CNTNAP1: variants seen among roughly 807,000 people sequenced by gnomAD.
CNTNAP1 encodes contactin-associated protein 1.
A neutral mutation model predicts 161.5 loss-of-function variants in CNTNAP1; 80 were observed. The ratio of observed to expected loss-of-function variants is 0.50; its 90% CI spans 0.41 to 0.60. The LOEUF (loss-of-function observed/expected upper bound fraction) is 0.60, where lower values mean the gene tolerates loss of function less well. Ranked by LOEUF, CNTNAP1 falls within the 20% of genes least tolerant of loss-of-function variation. The pLI is 0.00. For missense variants in CNTNAP1, 1,464 were observed against 1,854.8 expected (o/e 0.79, Z 3.87); for synonymous variants, 695 against 733.1 (o/e 0.95, Z 0.84).
Position 42,687,321 on chromosome 17 carries a change from G to A in CNTNAP1, c.1044+275G>A, listed in dbSNP as rs2143654423. ...AGGGAGTGGCTTGTCCAGGGGTCGT[G>A]CAGCTGCACGGTGGCTGAGTAGGGA... On this transcript the variant is annotated intron_variant, in intron 7 of 23. Coordinates refer to ENST00000264638, the MANE Select transcript of CNTNAP1 (RefSeq NM_003632.3). This position sits in a 1 kb window ranked among gnomAD's most constrained non-coding sequence, Gnocchi z 4.7. The A allele has an allele frequency of 3.9e-6, 2 of 511,820 alleles. No individual in the cohort carries two copies. The highest frequency in any genetic ancestry group is 6.5e-5 in the East Asian group (2 of 30,974). 31.7% of individuals were successfully genotyped at this position (511,820 alleles called of 1,614,324 possible).
chr17:42,685,411 A>T lies in CNTNAP1; in HGVS notation c.706A>T (p.Met236Leu). 1 of 1,602,578 alleles carries T rather than the reference A, an allele frequency of 6.2e-7. No individual in the cohort carries two copies. The highest frequency in any genetic ancestry group is 8.5e-7 in the Non-Finnish European group (1 of 1,179,764). Residue 236 changes from methionine (M) to leucine (L), a missense_variant, in exon 5 of 24, where the codon ATG becomes TTG. Physicochemically the swap from Met to Leu is conservative, Grantham distance 15. Around this residue, in one of 3 missense-constraint regions of CNTNAP1, gnomAD observed 1,383 missense variants for 1,765.0 expected, o/e 0.78. Coordinates refer to ENST00000264638, the MANE Select transcript of CNTNAP1 (RefSeq NM_003632.3). This position sits in a 1 kb window ranked among gnomAD's most constrained non-coding sequence, Gnocchi z 5.0. Reference sequence around the variant, plus strand: ...GGAGGGGGCACACCTGCTGCTGCACATGAGCCTGGGTGAGCTCGGCGACCA... The same window carrying T: ...GGAGGGGGCACACCTGCTGCTGCACTTGAGCCTGGGTGAGCTCGGCGACCA... Reference protein sequence around the residue: ...ELEGAHLLLHMSLGSSPIQPR... With the variant: ...ELEGAHLLLHLSLGSSPIQPR...
intron 10 of CNTNAP1, 55 bp from the exon 11 acceptor site, chr17:42,689,466 C>A: frequency 7.2e-7 from 1 of 1,396,680 alleles, no homozygotes; most frequent in South Asian, 1.2e-5. Flanking sequence ...GGGATCAGAC[C>A]CCACTCTCCA....
rs1337325662 is a variant in CNTNAP1 at position 42,697,600 on chromosome 17, T to C, written c.3615T>C (p.Gly1205=). The C allele has an allele frequency of 6.2e-7, 1 of 1,613,992 alleles. No homozygotes were observed. The highest frequency in any genetic ancestry group is 2.2e-5 in the East Asian group (1 of 44,896). The change falls in exon 22 of 24, where the codon GGT becomes GGC. Residue 1205 remains glycine, a synonymous_variant. Coordinates refer to ENST00000264638, the MANE Select transcript of CNTNAP1 (RefSeq NM_003632.3). The part of the protein sequence containing the change: ...DPEIQRYNTP[G]FSGCLSGVRF... ...AGATCCAGCGCTACAACACCCCAGGTTTCTCAGGCTGCCTGTCTGGTGTTC... is the reference window on the plus strand; with the variant it reads ...AGATCCAGCGCTACAACACCCCAGGCTTCTCAGGCTGCCTGTCTGGTGTTC...
At position 42,693,308 on chromosome 17, in the gene CNTNAP1, C is replaced by T. The variant is rs780890039; in HGVS notation, c.2764C>T (p.Leu922Phe). The T allele has an allele frequency of 3.1e-6, 5 of 1,614,058 alleles. No individual in the cohort carries two copies. Among genetic ancestry groups the T allele is most frequent in the African/African-American group, 2.7e-5 (2 of 74,930 alleles). ...DQPLYVGSAE[L>F]KRRPFVGCLR... ...CCTACCCTTCCCAGGATCTGCAGAG[C>T]TTAAGAGACGCCCCTTTGTGGGTTG... The change falls in exon 18 of 24, where the codon CTT (leucine) becomes TTT (phenylalanine). Residue 922 changes from leucine (L) to phenylalanine (F), a missense_variant. Physicochemically the swap from Leu to Phe is conservative, Grantham distance 22 (BLOSUM62 0). This residue lies in a region of CNTNAP1 where 1,383 missense variants were observed against 1,765.0 expected (regional missense o/e 0.78). Coordinates refer to ENST00000264638, the MANE Select transcript of CNTNAP1 (RefSeq NM_003632.3).
Position 42,691,128 on chromosome 17 carries a change from C to T in CNTNAP1, c.2060-9C>T, listed in dbSNP as rs201616416. On this transcript the variant is annotated splice_polypyrimidine_tract_variant and intron_variant, in intron 13 of 23. Coordinates refer to ENST00000264638, the MANE Select transcript of CNTNAP1 (RefSeq NM_003632.3). This position sits in a 1 kb window ranked among gnomAD's most constrained non-coding sequence, Gnocchi z 4.3. ...CAGGGCCTGGAAGCTGCCTGCACCT[C>T]TTCCCCAGGAGGCTACCCCTACAGC... The T allele has an allele frequency of 4.7e-4, 766 of 1,613,272 alleles. 1 individual carries two copies. The highest frequency in any genetic ancestry group is 5.4e-4 in the Non-Finnish European group (636 of 1,179,650).
At chr17:42,689,126 A>G in intron 10 of CNTNAP1, 79 bp downstream of exon 10, 1 of 1,382,128 alleles carries the variant, frequency 7.2e-7, no homozygotes. Flanking sequence ...GCCTCTTTCA[A>G]TAATCTCCCT....
In CNTNAP1 at chr17:42,699,977, A is replaced by G. The variant is rs945800396; in HGVS notation, c.*1067A>G. Among the ~76,000 whole-genome samples the G allele has an allele frequency of 1.3e-5, 2 of 152,200 alleles. No individual in the cohort carries two copies. The highest frequency in any genetic ancestry group is 4.8e-5 in the African/African-American group (2 of 41,454). The stretch of plus-strand genomic sequence containing the variant: ...AGACGCGGAGCCGTTCCAATAAAGC[A>G]GAGTGGCAGAGCCCCAGTCTGTGTG... On this transcript the variant is annotated 3_prime_UTR_variant, in exon 24 of 24. Transcript: ENST00000264638.
In CNTNAP1 at chr17:42,689,530, T is replaced by C; in HGVS notation, c.1638T>C (p.Pro546=). ...DTCGITDRCS[P]NMCEHDGRCY... ...CTGACCCCTTCCCTAGGTGCAGCCCTAACATGTGTGAGCATGATGGACGCT... is the reference window on the plus strand; with the variant it reads ...CTGACCCCTTCCCTAGGTGCAGCCCCAACATGTGTGAGCATGATGGACGCT... Residue 546 remains proline (P), a synonymous_variant, in exon 11 of 24, where the codon CCT becomes CCC. Transcript: ENST00000264638. 1 of 1,613,416 alleles carries C rather than the reference T, an allele frequency of 6.2e-7. No individual in the cohort carries two copies. Among genetic ancestry groups the C allele is most frequent in the Middle Eastern group, 1.7e-4 (1 of 6,056 alleles).
chr17:42,685,811 C>A lies in CNTNAP1; in HGVS notation c.716-146C>A. ...AGCCAGGCTAAATGGCTTACCCTGT[C>A]ACACACTCGCCAATGGCTGTTGATC... On this transcript the variant is annotated intron_variant, in intron 5 of 23. Transcript: ENST00000264638. This position sits in a 1 kb window ranked among gnomAD's most constrained non-coding sequence, Gnocchi z 5.0. 2.5e-6 allele frequency: 2 copies of A among 812,514 alleles called. No individual in the cohort carries two copies. Among genetic ancestry groups the A allele is most frequent in the African/African-American group, 1.7e-5 (1 of 57,998 alleles). The allele number at this position is 812,514 out of a possible 1,614,324, so 50.3% of individuals were successfully genotyped here. A position where few individuals can be genotyped will look rare whatever the true frequency, so the allele number is the denominator to read the frequency against.
chr17:42,692,094 A>G lies in CNTNAP1; in HGVS notation c.2530+103A>G, dbSNP rs1481236144. 5.7e-6 allele frequency: 7 copies of G among 1,225,296 alleles called. No individual in the cohort carries two copies. In the Admixed American group the frequency reaches 9.8e-5, roughly 17 times the overall value. 75.9% of individuals were successfully genotyped at this position (1,225,296 alleles called of 1,614,324 possible). On this transcript the variant is annotated intron_variant, in intron 16 of 23. Coordinates refer to ENST00000264638, the MANE Select transcript of CNTNAP1 (RefSeq NM_003632.3). ...AGCCAAGGGCAGATGCCCTTTTGAC[A>G]GGCAGCATGGGAAGGGTTGAGATAC...
Position 42,698,949 on chromosome 17 carries a change from T to TTCCCCCAGTCCTGCCTC in CNTNAP1, c.*47_*63dup. 2 of 1,473,822 alleles carry TTCCCCCAGTCCTGCCTC rather than the reference T, an allele frequency of 1.4e-6. No homozygotes were observed. The highest frequency in any genetic ancestry group is 1.8e-6 in the Non-Finnish European group (2 of 1,116,406). 91.3% of individuals were successfully genotyped at this position (1,473,822 alleles called of 1,614,324 possible). A position where few individuals can be genotyped will look rare whatever the true frequency, so the allele number is the denominator to read the frequency against. ...CTGGGACCAATTCCAGCTCCTGACA[T>TTCCCCCAGTCCTGCCTC]TCCCCCAGTCCTGCCTCTCCCCCAT... On this transcript the variant is annotated 3_prime_UTR_variant, in exon 24 of 24. Transcript: ENST00000264638.
Position 42,685,351 on chromosome 17 carries a change from G to T in CNTNAP1, c.646G>T (p.Glu216Ter). The T allele has an allele frequency of 6.2e-7, 1 of 1,609,980 alleles. No individual in the cohort carries two copies. ...EEKDGLLLHAEGAQGDYVTLE... is the reference protein window; with the variant it reads ...EEKDGLLLHA ...GAAGGACGGTCTTCTGCTGCACGCC[G>T]AGGGCGCCCAGGGCGACTACGTGAC... Residue 216 changes from glutamate (E) to a stop codon, truncating the protein, a stop_gained, in exon 5 of 24, where the codon GAG becomes TAG. Coordinates refer to ENST00000264638, the MANE Select transcript of CNTNAP1 (RefSeq NM_003632.3). LOFTEE classifies it high-confidence loss of function. The surrounding 1 kb of genome is among the most constrained non-coding windows in gnomAD (Gnocchi z 5.0).
At chr17:42,698,584 C>T in intron 23 of CNTNAP1, 34 bp from the exon 24 acceptor site, 1 of 1,539,298 alleles carries the variant, frequency 6.5e-7, no homozygotes. Flanking sequence ...GGTGAGATCC[C>T]AAAGATCTGA....
chr17:42,698,523 C>A, intron 23 of CNTNAP1, 95 bp from the exon 24 acceptor site: 5 of 1,092,722 alleles, frequency 4.6e-6, no homozygotes, highest in Non-Finnish European at 6.5e-6. Flanking sequence ...CAGGTGAAAT[C>A]TCAAAGAGTG....
rs1555642223 is a variant in CNTNAP1 at position 42,686,476 on chromosome 17, T to TTTTG, written c.900+338_900+339insGTTT. ...CTCACCAGAAAAAGGCCTGTTTTTTTTTTTTTTTTTTTTTTTTGTGGGTGT... is the reference window on the plus strand; with the variant it reads ...CTCACCAGAAAAAGGCCTGTTTTTTTTTTGTTTTTTTTTTTTTTTTTGTGGGTGT... On this transcript the variant is annotated intron_variant, in intron 6 of 23. Transcript: ENST00000264638. 5.6e-4 allele frequency among the ~76,000 whole-genome samples: 65 copies of TTTTG among 116,966 alleles called. 2 individuals are homozygous for TTTTG. Among genetic ancestry groups the TTTTG allele is most frequent in the Admixed American group, 8.4e-4 (10 of 11,958 alleles). The allele number at this position is 116,966 out of a possible 152,430, so 76.7% of individuals were successfully genotyped here. A position where few individuals can be genotyped will look rare whatever the true frequency, so the allele number is the denominator to read the frequency against.
chr17:42,697,223 C>G (rs371907134), intron 20 of CNTNAP1, 51 bp from the exon 21 acceptor site: 1 of 1,313,744 alleles, frequency 7.6e-7, no homozygotes, highest in Non-Finnish European at 1.1e-6. Context: ...CAGGCATCTG[C>G]TTCTGGTCCC....
chr17:42,688,912 C>T lies in CNTNAP1; in HGVS notation c.1493C>T (p.Ser498Phe). 1 of 1,614,122 alleles carries T rather than the reference C, an allele frequency of 6.2e-7. No individual in the cohort carries two copies. The highest frequency in any genetic ancestry group is 8.5e-7 in the Non-Finnish European group (1 of 1,180,004). Residue 498 changes from serine to phenylalanine, a missense_variant, in exon 10 of 24, where the codon TCC (serine) becomes TTC (phenylalanine). By Grantham distance (155) the Ser-to-Phe change is radical. Around this residue, in one of 3 missense-constraint regions of CNTNAP1, gnomAD observed 1,383 missense variants for 1,765.0 expected, o/e 0.78. Coordinates refer to ENST00000264638, the MANE Select transcript of CNTNAP1 (RefSeq NM_003632.3). Reference protein sequence around the residue: ...PKPASRWDCHSNQTAFHGCME... With the variant: ...PKPASRWDCHFNQTAFHGCME... Reference sequence around the variant, plus strand: ...CCAGCCAGTCGATGGGACTGCCACTCCAACCAGACGGCATTCCATGGCTGC... The same window carrying T: ...CCAGCCAGTCGATGGGACTGCCACTTCAACCAGACGGCATTCCATGGCTGC...
In CNTNAP1 at chr17:42,685,196, C is replaced by T; in HGVS notation, c.512-21C>T. On this transcript the variant is annotated intron_variant, in intron 4 of 23. Transcript: ENST00000264638. This position sits in a 1 kb window ranked among gnomAD's most constrained non-coding sequence, Gnocchi z 5.0. ...GAGACAGCCTCCCCAGTTCCCGGCC[C>T]ACCTACGGTCCTTTGCGCAGAGGCC... 6.2e-7 allele frequency: 1 copy of T among 1,612,716 alleles called. No individual in the cohort carries two copies. Among genetic ancestry groups the T allele is most frequent in the East Asian group, 2.2e-5 (1 of 44,850 alleles).
Position 42,687,227 on chromosome 17 carries a change from A to G in CNTNAP1, c.1044+181A>G. 2.7e-6 allele frequency: 2 copies of G among 732,554 alleles called. No individual in the cohort carries two copies. The highest frequency in any genetic ancestry group is 2.1e-5 in the South Asian group (1 of 48,284). The allele number at this position is 732,554 out of a possible 1,614,324, so 45.4% of individuals were successfully genotyped here. ...AGGTGCATGAGCCACGCAGGCCCCT[A>G]GTTAAGAAGCAGTGGTCGGGTCCAA... On this transcript the variant is annotated intron_variant, in intron 7 of 23. Coordinates refer to ENST00000264638, the MANE Select transcript of CNTNAP1 (RefSeq NM_003632.3). The surrounding 1 kb of genome is among the most constrained non-coding windows in gnomAD (Gnocchi z 4.7).
Sources: gnomAD v4.1 joint callset for allele counts (sites outside exome capture counted in the v4.1 genomes callset) on GRCh38, gnomAD v4.1.1 for gene constraint, gnomAD v4.1.1 regional missense constraint, Gnocchi (gnomAD v3.1) non-coding constraint, MANE v1.5 for transcripts, NCBI Gene and HGNC (gene_info 2026-07-23, HGNC 2026-07-21) for gene names.